Variants in CPA6 observed in about 807,000 individuals in gnomAD.
CPA6 encodes the protein carboxypeptidase B.
In CPA6, 58 loss-of-function variants were observed where a neutral mutation model predicts 63.3. The observed-to-expected ratio is 0.92, with a 90% confidence interval of 0.74 to 1.14. The LOEUF is 1.14. Among genes scored for constraint, CPA6 ranks in the 50% most tolerant of loss-of-function variants. The pLI is 0.00. For synonymous variants in CPA6, 185 were observed against 179.0 expected (o/e 1.03, Z -0.27); for missense variants, 565 against 526.6 (o/e 1.07, Z -0.71).
chr8:67,514,305 G>A (rs1291209088), intron 3 of CPA6, among the ~76,000 whole-genome samples: 1 of 152,118 alleles, frequency 6.6e-6, no homozygotes, highest in Non-Finnish European at 1.5e-5. Context: ...TTACTTTATA[G>A]AATAACCAAA....
intron 1 of CPA6, among the ~76,000 whole-genome samples, chr8:67,666,446 C>T (rs562748521): frequency 1.8e-4 from 28 of 152,168 alleles, no homozygotes; most frequent in African/African-American, 6.5e-4. Context: ...CTCTCACCAG[C>T]GGAGGGCCCT....
chr8:67,579,833 T>C (rs1156600185), intron 2 of CPA6, among the ~76,000 whole-genome samples: 2 of 152,268 alleles, frequency 1.3e-5, no homozygotes, highest in African/African-American at 2.4e-5. Context: ...ACATTGGCTA[T>C]GGCTGCTTTG....
At chr8:67,512,101 A>G (rs191328597) in intron 3 of CPA6, among the ~76,000 whole-genome samples, 77 of 152,348 alleles carry the variant, frequency 5.1e-4, no homozygotes, top group Middle Eastern at 6.8e-3. Context: ...AAAAGGGTTA[A>G]GAACTCACCA....
At chr8:67,587,893 G>A (rs1044104713) in intron 2 of CPA6, among the ~76,000 whole-genome samples, 13 of 152,168 alleles carry the variant, frequency 8.5e-5, no homozygotes, top group Non-Finnish European at 4.4e-5. Context: ...CAAATTAAAC[G>A]CATTAGTAGG....
rs1037489726 is a variant in CPA6 at position 67,637,882 on chromosome 8, T to C, written c.117-13631A>G. On this transcript the variant is annotated intron_variant, in intron 1 of 10. Coordinates refer to ENST00000297770, the MANE Select transcript of CPA6 (RefSeq NM_020361.5). ...TTAGTGGTTTTGAAATTAGAGCATA[T>C]GTAAGATTCACCTAGGAATTTATCT... is the stretch of plus-strand genomic sequence containing the variant. Among the ~76,000 whole-genome samples the C allele has an allele frequency of 1.2e-4, 18 of 151,478 alleles. 2 individuals are homozygous for C. The highest frequency in any genetic ancestry group is 4.4e-4 in the African/African-American group (18 of 40,830).
chr8:67,564,757 A>G (rs574728423), intron 2 of CPA6, among the ~76,000 whole-genome samples: 3 of 152,310 alleles, frequency 2.0e-5, no homozygotes, highest in Admixed American at 2.0e-4. Context: ...ATGCATTTTA[A>G]TTAGGGATTA....
At chr8:67,586,043 A>C (rs192160968) in intron 2 of CPA6, among the ~76,000 whole-genome samples, 54 of 152,250 alleles carry the variant, frequency 3.5e-4, no homozygotes, top group African/African-American at 1.3e-3. Flanking sequence ...CGCACCTGTA[A>C]AGCTCCAAGG....
At chr8:67,675,890 G>A (rs144353257) in intron 1 of CPA6, among the ~76,000 whole-genome samples, 2 of 152,178 alleles carry the variant, frequency 1.3e-5, no homozygotes, top group African/African-American at 2.4e-5. Context: ...GCACAGGCTG[G>A]AGTGCTGTGA....
intron 2 of CPA6, among the ~76,000 whole-genome samples, chr8:67,601,352 T>C (rs1411802570): frequency 1.3e-5 from 2 of 152,186 alleles, no homozygotes; most frequent in Non-Finnish European, 2.9e-5. Flanking sequence ...TCAAACTTTC[T>C]TGATAGTGAC....
intron 9 of CPA6, 29 bp from the exon 10 acceptor site, chr8:67,428,160 T>C (rs763134322): frequency 2.2e-6 from 3 of 1,394,670 alleles, no homozygotes; most frequent in Non-Finnish European, 3.1e-6. Flanking sequence ...AAATTTTATA[T>C]ATTGTTGCAT....
At chr8:67,528,040 A>G (rs145693755) in intron 2 of CPA6, among the ~76,000 whole-genome samples, 1 of 152,288 alleles carries the variant, frequency 6.6e-6, no homozygotes, top group Non-Finnish European at 1.5e-5. Context: ...ACCTCCCCCA[A>G]CATGCTTTTA....
chr8:67,553,198 A>G (rs9657087), intron 2 of CPA6, among the ~76,000 whole-genome samples: 63,926 of 152,060 alleles, frequency 0.42, 15,785 homozygotes, highest in Non-Finnish European at 0.55. Context: ...TTAAGCCACT[A>G]TCAATTGTAA....
chr8:67,530,333 T>A (rs974127884), intron 2 of CPA6, among the ~76,000 whole-genome samples: 1 of 151,992 alleles, frequency 6.6e-6, no homozygotes, highest in African/African-American at 2.4e-5. Context: ...AAGAAAAATT[T>A]TCAGAACTGA....
At chr8:67,592,938 G>T (rs1397781722) in intron 2 of CPA6, among the ~76,000 whole-genome samples, 2 of 151,496 alleles carry the variant, frequency 1.3e-5, no homozygotes, top group Non-Finnish European at 2.9e-5. Flanking sequence ...TTTTGAATGT[G>T]TTTGCTCTTG....
chr8:67,552,259 G>T (rs1377216436), intron 2 of CPA6, among the ~76,000 whole-genome samples: 1 of 152,210 alleles, frequency 6.6e-6, no homozygotes, highest in African/African-American at 2.4e-5. Flanking sequence ...AGGAGTAGTG[G>T]CAGGTTACTT....
In CPA6 at chr8:67,692,663, A is replaced by T. The variant is rs1029221013; in HGVS notation, c.116+53351T>A. Among the ~76,000 whole-genome samples, 3 of 152,344 alleles carry T rather than the reference A, an allele frequency of 2.0e-5. No homozygotes were observed. The East Asian group carries it at 5.8e-4, about 29-fold the overall frequency. On this transcript the variant is annotated intron_variant, in intron 1 of 10. Transcript: ENST00000297770. The stretch of plus-strand genomic sequence containing the variant: ...GGATAAACTATTTTTCATTACAACT[A>T]GAATCACACAGAAGTGCTGCCCTTT...
chr8:67,705,951 TG>T (rs971242094), intron 1 of CPA6, among the ~76,000 whole-genome samples: 2 of 152,194 alleles, frequency 1.3e-5, no homozygotes, highest in Non-Finnish European at 2.9e-5. Context: ...GAGGTATTTT[TG>T]GTAAGAAAAG....
intron 8 of CPA6, among the ~76,000 whole-genome samples, chr8:67,446,934 A>C (rs1810430548): frequency 6.6e-6 from 1 of 152,134 alleles, no homozygotes; most frequent in African/African-American, 2.4e-5. Flanking sequence ...TTACAAGTAC[A>C]CATATGTACT....
chr8:67,611,223 C>T (rs1383066411), intron 2 of CPA6, among the ~76,000 whole-genome samples: 1 of 152,066 alleles, frequency 6.6e-6, no homozygotes, highest in Non-Finnish European at 1.5e-5. Flanking sequence ...GCTGGGATTA[C>T]AAGCACACAC....
Sources: allele counts gnomAD v4.1 joint callset (sites outside exome capture counted in the v4.1 genomes callset), GRCh38; gene constraint gnomAD v4.1.1; transcripts MANE v1.5; gene names NCBI Gene and HGNC (gene_info 2026-07-23, HGNC 2026-07-21).